The following SYN3 variants were observed in gnomAD, a reference collection of about 807,000 sequenced individuals.
SYN3 encodes the protein synapsin III, also known as synapsin-3.
Under a neutral mutation model 65.8 loss-of-function variants are expected in SYN3, and 35 were observed. The observed-to-expected ratio is 0.53, with a 90% confidence interval of 0.41 to 0.70. The LOEUF is 0.70. Among genes scored for constraint, SYN3 ranks in the 30% least tolerant of loss-of-function variants. The probability of loss-of-function intolerance (pLI) is 0.00; values close to 1 mark genes in which losing one functional copy is unlikely to be tolerated. For synonymous variants in SYN3, 270 were observed against 292.9 expected (o/e 0.92, Z 0.80); for missense variants, 680 against 749.0 (o/e 0.91, Z 1.08).
intron 3 of SYN3, among the ~76,000 whole-genome samples, chr22:32,971,256 T>C (rs568629393): frequency 6.6e-6 from 1 of 152,336 alleles, no homozygotes; most frequent in African/African-American, 2.4e-5. Flanking sequence ...CTCTAATGAG[T>C]TATGTTTCAG....
At chr22:32,654,827 TG>T (rs928290380) in intron 6 of SYN3, among the ~76,000 whole-genome samples, 17 of 152,340 alleles carry the variant, frequency 1.1e-4, no homozygotes, top group African/African-American at 4.1e-4. Context: ...CTCCACCCCT[TG>T]ATATTCTAGG....
chr22:32,786,586 T>TA (rs2046199850), intron 6 of SYN3, among the ~76,000 whole-genome samples: 1 of 151,912 alleles, frequency 6.6e-6, no homozygotes, highest in Non-Finnish European at 1.5e-5. Flanking sequence ...ATGGTCTCGA[T>TA]CTCCTGACCT....
intron 1 of SYN3, among the ~76,000 whole-genome samples, chr22:33,044,279 G>A (rs2054018718): frequency 6.6e-6 from 1 of 152,180 alleles, no homozygotes; most frequent in South Asian, 2.1e-4. Context: ...CAGCCAGCTG[G>A]TTCACTGTAG....
At chr22:33,041,519 C>T (rs934185706) in intron 1 of SYN3, among the ~76,000 whole-genome samples, 2 of 151,876 alleles carry the variant, frequency 1.3e-5, no homozygotes, top group Non-Finnish European at 2.9e-5. Context: ...GGATGAGTCT[C>T]GATCTCCTCA....
intron 6 of SYN3, among the ~76,000 whole-genome samples, chr22:32,752,558 C>T (rs1014207168): frequency 2.6e-5 from 4 of 152,356 alleles, no homozygotes; most frequent in East Asian, 1.9e-4. Context: ...ACTCCTTCTA[C>T]GACTCACCGC....
At chr22:32,736,803 C>T (rs2061341211) in intron 6 of SYN3, among the ~76,000 whole-genome samples, 1 of 152,122 alleles carries the variant, frequency 6.6e-6, no homozygotes, top group Non-Finnish European at 1.5e-5. Flanking sequence ...AATCTAAGGG[C>T]TCAGATTCCT....
chr22:32,661,088 G>C (rs1442367114), intron 6 of SYN3, among the ~76,000 whole-genome samples: 5 of 152,238 alleles, frequency 3.3e-5, no homozygotes, highest in Admixed American at 2.6e-4. Flanking sequence ...GCTGAGTCTA[G>C]TGCCCACCAG....
At chr22:32,778,949 G>A (rs2045969850) in intron 6 of SYN3, among the ~76,000 whole-genome samples, 1 of 151,940 alleles carries the variant, frequency 6.6e-6, no homozygotes, top group Admixed American at 6.6e-5. Context: ...AATATTTATT[G>A]AGCACCTCTT....
chr22:33,022,186 T>G (rs1280225137), intron 1 of SYN3, among the ~76,000 whole-genome samples: 2 of 152,228 alleles, frequency 1.3e-5, no homozygotes, highest in Non-Finnish European at 2.9e-5. Flanking sequence ...CCTTCCCTAT[T>G]AGGAATCAGT....
intron 6 of SYN3, among the ~76,000 whole-genome samples, chr22:32,614,335 C>T (rs1215604208): frequency 6.6e-6 from 1 of 152,194 alleles, no homozygotes; most frequent in Non-Finnish European, 1.5e-5. Context: ...GAAGGCTGCC[C>T]TGAGATACTG....
chr22:32,678,565 C>T (rs2060478851), intron 6 of SYN3, among the ~76,000 whole-genome samples: 1 of 151,562 alleles, frequency 6.6e-6, no homozygotes, highest in African/African-American at 2.4e-5. Context: ...TCCTCCTCCT[C>T]CTTCCTCCTC....
At chr22:32,534,052 CAGAA>C (rs1411174670) in intron 9 of SYN3, among the ~76,000 whole-genome samples, 157 bp from the exon 10 acceptor site, 1 of 152,058 alleles carries the variant, frequency 6.6e-6, no homozygotes, top group Non-Finnish European at 1.5e-5. Flanking sequence ...GCAAGAGAGA[CAGAA>C]AGACGGAGAG....
chr22:32,980,679 T>G lies in SYN3; in HGVS notation c.335A>C (p.Lys112Thr). 1 of 1,613,958 alleles carries G rather than the reference T, an allele frequency of 6.2e-7. No individual in the cohort carries two copies. Residue 112 changes from lysine to threonine, a missense_variant, in exon 3 of 14, where the codon AAG (lysine) becomes ACG (threonine). Transcript: ENST00000358763. ...TCGGATCTCAATCTCTCCATTCACC[T>G]TCTTCCCATGGAAATACTTCGACCT... Reference protein sequence around the residue: ...TDWSKYFHGKKVNGEIEIRVE... With the variant: ...TDWSKYFHGKTVNGEIEIRVE...
At chr22:32,697,714 C>A (rs948114700) in intron 6 of SYN3, among the ~76,000 whole-genome samples, 2 of 152,190 alleles carry the variant, frequency 1.3e-5, no homozygotes, top group African/African-American at 4.8e-5. Context: ...GCTGATAGAA[C>A]AGCCACCACC....
intron 6 of SYN3, among the ~76,000 whole-genome samples, chr22:32,832,669 T>C (rs2047610040): frequency 6.6e-6 from 1 of 151,888 alleles, no homozygotes; most frequent in Non-Finnish European, 1.5e-5. Context: ...TTGAAAACCC[T>C]CGAGTATTTT....
intron 6 of SYN3, among the ~76,000 whole-genome samples, chr22:32,736,272 AG>A (rs1426876007): frequency 6.6e-6 from 1 of 152,234 alleles, no homozygotes; most frequent in African/African-American, 2.4e-5. Context: ...CCCAGATCCC[AG>A]GCAATCTCTT....
In SYN3 at chr22:32,557,509, A is replaced by C. The variant is rs78060003; in HGVS notation, c.775-15796T>G. 1.6e-4 allele frequency among the ~76,000 whole-genome samples: 24 copies of C among 152,336 alleles called. No homozygotes were observed. The East Asian group carries it at 4.0e-3, about 26-fold the overall frequency. ...GCATTAACTATGTGCCAGCAACTGT[A>C]CTGCACAGTTTACATGTATTATCTC... On this transcript the variant is annotated intron_variant, in intron 7 of 13. Transcript: ENST00000358763.
rs57427060 is a variant in SYN3, at chr22:32,710,632, CA to C, written c.712-113897del. ...TGGCTGACAGAGCGAGACTCTGTCT[CA>C]AAAAAAAAAAAAAAAGAAAGAAAGA... On this transcript the variant is annotated intron_variant, in intron 6 of 13. Transcript: ENST00000358763. Among the ~76,000 whole-genome samples the C allele has an allele frequency of 2.3e-3, 171 of 74,990 alleles. 2 individuals are homozygous for C. The highest frequency in any genetic ancestry group is 7.2e-3 in the South Asian group (16 of 2,218). 49.2% of individuals were successfully genotyped at this position (74,990 alleles called of 152,430 possible).
intron 1 of SYN3, chr22:33,014,268 T>C (rs548978771): frequency 6.6e-6 from 1 of 152,336 alleles, no homozygotes; most frequent in African/African-American, 2.4e-5. Flanking sequence ...ATATACCACA[T>C]TTACTTTATC....
Sources: gnomAD v4.1 joint callset for allele counts (sites outside exome capture counted in the v4.1 genomes callset) on GRCh38, gnomAD v4.1.1 for gene constraint, MANE v1.5 for transcripts, NCBI Gene and HGNC (gene_info 2026-07-23, HGNC 2026-07-21) for gene names.